Variants in EEA1 observed in about 807,000 individuals in gnomAD.
The protein encoded by EEA1 is early endosome antigen 1, 162kD.
In EEA1, 111 loss-of-function variants were observed where a neutral mutation model predicts 209.2. The ratio of observed to expected loss-of-function variants is 0.53; its 90% CI spans 0.45 to 0.62. The LOEUF is 0.62. EEA1 is among the 20% of genes least tolerant of loss of function. The pLI is 0.00. For missense variants in EEA1, 1,343 were observed against 1,530.8 expected (o/e 0.88, Z 2.05); for synonymous variants, 536 against 540.6 (o/e 0.99, Z 0.12).
chr12:92,877,127 CTTTTTTCTTTTTTT>C (rs1205326514), intron 2 of EEA1, among the ~76,000 whole-genome samples: 5 of 146,882 alleles, frequency 3.4e-5, no homozygotes, highest in Admixed American at 1.4e-4. Context: ...TTTCTTTTTT[CTTTTTTCTTTTTTT>C]TTTTTTTTTG....
At chr12:92,853,385 C>G (rs774986686) in intron 6 of EEA1, among the ~76,000 whole-genome samples, 1 of 151,954 alleles carries the variant, frequency 6.6e-6, no homozygotes, top group Middle Eastern at 3.2e-3. Flanking sequence ...CGCTATGTTA[C>G]GGAGGCTGAT....
At chr12:92,843,666 T>C (rs764539096) in intron 9 of EEA1, among the ~76,000 whole-genome samples, 32 of 152,170 alleles carry the variant, frequency 2.1e-4, no homozygotes, top group South Asian at 4.1e-4. Context: ...CTTTCTATTA[T>C]ATTAATATTT....
In EEA1 at chr12:92,874,510, C is replaced by T. The variant is rs779934609; in HGVS notation, c.118-9523G>A. 1.3e-5 allele frequency among the ~76,000 whole-genome samples: 2 copies of T among 152,268 alleles called. 1 individual carries two copies. Among genetic ancestry groups the T allele is most frequent in the East Asian group, 3.9e-4 (2 of 5,176 alleles). On this transcript the variant is annotated intron_variant, in intron 2 of 28. Coordinates refer to ENST00000322349, the MANE Select transcript of EEA1 (RefSeq NM_003566.4). ...CCTCCCGAGTAGCTGGGATTACAGGCGCTTGCCGCCAGGCCTGGCTAATTT... is the reference window on the plus strand; with the variant it reads ...CCTCCCGAGTAGCTGGGATTACAGGTGCTTGCCGCCAGGCCTGGCTAATTT...
rs1161688990 is a variant in EEA1 at position 92,890,533 on chromosome 12, T to C, written c.117+1096A>G. Among the ~76,000 whole-genome samples, 4 of 152,212 alleles carry C rather than the reference T, an allele frequency of 2.6e-5. No homozygotes were observed. In the East Asian group the frequency reaches 7.7e-4, roughly 29 times the overall value. ...ATCTCAGAAAGTAGGAAGTTAATCC[T>C]ACTAATATGATATTAACAGTATTGC... On this transcript the variant is annotated intron_variant, in intron 2 of 28. Coordinates refer to ENST00000322349, the MANE Select transcript of EEA1 (RefSeq NM_003566.4).
At chr12:92,845,881 T>C (rs1193735792) in intron 9 of EEA1, among the ~76,000 whole-genome samples, 2 of 152,206 alleles carry the variant, frequency 1.3e-5, no homozygotes, top group African/African-American at 4.8e-5. Flanking sequence ...TGAGTAATTA[T>C]ACCTCCAAAG....
intron 10 of EEA1, among the ~76,000 whole-genome samples, chr12:92,837,340 T>C (rs1307549195): frequency 1.3e-5 from 2 of 152,178 alleles, no homozygotes; most frequent in African/African-American, 4.8e-5. Context: ...TAAGAATGCC[T>C]GTGACTACTG....
At position 92,878,823 on chromosome 12, in the gene EEA1, T is replaced by C. The variant is rs972479568; in HGVS notation, c.117+12806A>G. On this transcript the variant is annotated intron_variant, in intron 2 of 28. Transcript: ENST00000322349. ...TCATGGGATATCACTACAGATGCTA[T>C]AGACATTTATGCCAATAAATTCAAC... Among the ~76,000 whole-genome samples, 4 of 152,180 alleles carry C rather than the reference T, an allele frequency of 2.6e-5. No homozygotes were observed. The East Asian group carries it at 5.8e-4, about 22-fold the overall frequency.
Position 92,787,943 on chromosome 12 carries a change from T to C in EEA1, c.3074A>G (p.Gln1025Arg), listed in dbSNP as rs774234574. Residue 1025 changes from glutamine to arginine, a missense_variant, in exon 22 of 29, where the codon CAG (glutamine) becomes CGG (arginine). By Grantham distance (43) the Gln-to-Arg change is conservative. Around this residue, in one of 3 missense-constraint regions of EEA1, gnomAD observed 1,307 missense variants for 1,465.5 expected, o/e 0.89. Transcript: ENST00000322349. ...AGATTGAAGCTGTTTGAAAGTTTCCTGACTTTTTTCATAGTTGTTTTGTAA... is the reference window on the plus strand; with the variant it reads ...AGATTGAAGCTGTTTGAAAGTTTCCCGACTTTTTTCATAGTTGTTTTGTAA... ...SVLQNNYEKS[Q>R]ETFKQLQSDF... 1.2e-6 allele frequency: 2 copies of C among 1,613,394 alleles called. No homozygotes were observed. The highest frequency in any genetic ancestry group is 1.7e-5 in the Admixed American group (1 of 59,948).
At chr12:92,785,050 AT>A (rs1451522069) in intron 22 of EEA1, among the ~76,000 whole-genome samples, 1 of 149,694 alleles carries the variant, frequency 6.7e-6, no homozygotes, top group African/African-American at 2.5e-5. Context: ...AAAACTTCAT[AT>A]TTTTAGTTGT....
At chr12:92,848,388 A>G (rs977789005) in intron 9 of EEA1, among the ~76,000 whole-genome samples, 1 of 152,120 alleles carries the variant, frequency 6.6e-6, no homozygotes, top group Non-Finnish European at 1.5e-5. Flanking sequence ...TTGGGAAACT[A>G]AGGCAGAAGG....
intron 2 of EEA1, among the ~76,000 whole-genome samples, chr12:92,885,802 A>G (rs1053624268): frequency 1.3e-5 from 2 of 152,200 alleles, no homozygotes; most frequent in Non-Finnish European, 2.9e-5. Context: ...AAATTCACAT[A>G]TAAGTGGACC....
At chr12:92,908,864 C>T (rs960189964) in intron 1 of EEA1, among the ~76,000 whole-genome samples, 2 of 152,128 alleles carry the variant, frequency 1.3e-5, no homozygotes, top group African/African-American at 4.8e-5. Flanking sequence ...GGCTCTCTCA[C>T]CCAAGCTGGA....
chr12:92,829,716 T>G (rs1364270289), intron 11 of EEA1, among the ~76,000 whole-genome samples: 1 of 144,948 alleles, frequency 6.9e-6, no homozygotes, highest in Non-Finnish European at 1.5e-5. Flanking sequence ...AAAATGGAGG[T>G]TGCAATGAGC....
intron 22 of EEA1, among the ~76,000 whole-genome samples, chr12:92,784,898 T>C (rs1255777393): frequency 6.6e-6 from 1 of 152,056 alleles, no homozygotes; most frequent in East Asian, 1.9e-4. Flanking sequence ...AATCCCTAAA[T>C]GGATCAAATA....
rs770750820 is a variant in EEA1 at position 92,798,955 on chromosome 12, A to C, written c.2904T>G (p.Ser968Arg). The change falls in exon 21 of 29, where the codon AGT (serine) becomes AGG (arginine). Residue 968 changes from serine (S) to arginine (R), a missense_variant. Around this residue, in one of 3 missense-constraint regions of EEA1, gnomAD observed 1,307 missense variants for 1,465.5 expected, o/e 0.89. Coordinates refer to ENST00000322349, the MANE Select transcript of EEA1 (RefSeq NM_003566.4). ...QGNINELKQS[S>R]EQKKKQIEAL... The stretch of plus-strand genomic sequence containing the variant: ...CTTCAATTTGTTTTTTCTTCTGTTC[A>C]CTTGATTGCTTTAGCTCATTTATGT... 1.9e-6 allele frequency: 3 copies of C among 1,612,078 alleles called. No homozygotes were observed. The Admixed American group carries it at 5.0e-5, about 27-fold the overall frequency.
chr12:92,853,059 T>C (rs1228638862), intron 6 of EEA1, 34 bp from the exon 7 acceptor site: 1 of 1,329,910 alleles, frequency 7.5e-7, no homozygotes, highest in Non-Finnish European at 1.1e-6. Flanking sequence ...TCAAATACCA[T>C]GTTAATTACA....
rs140471520 is a variant in EEA1, at chr12:92,897,036, G to T, written c.25-5315C>A. Among the ~76,000 whole-genome samples, 1,210 of 152,224 alleles carry T rather than the reference G, an allele frequency of 7.9e-3. 25 individuals are homozygous for T. Among genetic ancestry groups the T allele is most frequent in the African/African-American group, 0.027 (1,113 of 41,528 alleles). The stretch of plus-strand genomic sequence containing the variant: ...CCAAAAAAATACAAAAATCAGCAAG[G>T]CGTGGTGGCGTTCACCTGTAGTCCC... On this transcript the variant is annotated intron_variant, in intron 1 of 28. Transcript: ENST00000322349.
chr12:92,842,837 T>G (rs1592731921), intron 9 of EEA1, among the ~76,000 whole-genome samples: 1 of 152,242 alleles, frequency 6.6e-6, no homozygotes, highest in East Asian at 1.9e-4. Context: ...ACTTTAAGTT[T>G]CTGAAGTATC....
At chr12:92,923,261 T>A (rs1045097354) in intron 1 of EEA1, among the ~76,000 whole-genome samples, 1 of 151,978 alleles carries the variant, frequency 6.6e-6, no homozygotes, top group African/African-American at 2.4e-5. Flanking sequence ...GGCAGGAGAA[T>A]GGCGTGAACC....
Sources: gnomAD v4.1 joint callset for allele counts (sites outside exome capture counted in the v4.1 genomes callset) on GRCh38, gnomAD v4.1.1 for gene constraint, gnomAD v4.1.1 regional missense constraint, MANE v1.5 for transcripts, NCBI Gene and HGNC (gene_info 2026-07-23, HGNC 2026-07-21) for gene names.